Variants in SLC66A1 observed in about 807,000 individuals in gnomAD.
SLC66A1 encodes the protein solute carrier family 66 member 1.
SLC66A1 carries 23 observed loss-of-function variants against 33.0 expected under a neutral mutation model. The observed-to-expected ratio is 0.70, with a 90% confidence interval of 0.50 to 0.99. The LOEUF is 0.99. Among genes scored for constraint, SLC66A1 ranks in the 50% least tolerant of loss-of-function variants. The pLI is 0.00. For synonymous variants in SLC66A1, 164 were observed against 175.5 expected, an observed-to-expected ratio of 0.93 and a Z score of 0.52; for missense variants, 335 against 383.6, an observed-to-expected ratio of 0.87 and a Z score of 1.06.
rs1041275395 is a variant in SLC66A1, at chr1:19,318,347, C to T, written c.164+506C>T. ...AGCAGTGAACACAACATTGTGTGGC[C>T]GCTGCCATGATCAGGGAGTGAGGAC... On this transcript the variant is annotated intron_variant, in intron 2 of 7. Transcript: ENST00000375153. Among the ~76,000 whole-genome samples, 9 of 152,128 alleles carry T rather than the reference C, an allele frequency of 5.9e-5. No homozygotes were observed. The South Asian group carries it at 8.3e-4, about 14-fold the overall frequency.
chr1:19,326,743 T>C, intron 6 of SLC66A1, 120 bp downstream of exon 6: 1 of 1,079,772 alleles, frequency 9.3e-7, no homozygotes, highest in Non-Finnish European at 1.3e-6. Context: ...TCTGGTCTAC[T>C]CCCGCTGTTG....
Position 19,329,036 on chromosome 1 carries a change from C to G in SLC66A1, c.*393C>G. The G allele has an allele frequency of 4.5e-6, 1 of 221,612 alleles. No individual in the cohort carries two copies. The highest frequency in any genetic ancestry group is 9.0e-6 in the Non-Finnish European group (1 of 111,226). 13.7% of individuals were successfully genotyped at this position (221,612 alleles called of 1,614,324 possible). A position where few individuals can be genotyped will look rare whatever the true frequency, so the allele number is the denominator to read the frequency against. On this transcript the variant is annotated 3_prime_UTR_variant, in exon 8 of 8. Transcript: ENST00000375153. ...CTTTGGGAGGCCGAAGCGGGTGGACCACTTGACGTCCGTAGTTCGAGACCA... is the reference window on the plus strand; with the variant it reads ...CTTTGGGAGGCCGAAGCGGGTGGACGACTTGACGTCCGTAGTTCGAGACCA...
intron 2 of SLC66A1, among the ~76,000 whole-genome samples, chr1:19,320,466 A>T (rs1414096213): frequency 5.7e-5 from 7 of 121,908 alleles, no homozygotes; most frequent in East Asian, 5.1e-4. Context: ...CAGGCTGGAG[A>T]GCGGTGGTGC....
chr1:19,317,913 G>A, intron 2 of SLC66A1, 72 bp downstream of exon 2: 1 of 1,557,882 alleles, frequency 6.4e-7, no homozygotes, highest in Non-Finnish European at 8.7e-7. Context: ...CTACTGCTCA[G>A]CGAGGGGTTG....
In SLC66A1 at chr1:19,313,990, A is replaced by G. The variant is rs375290502; in HGVS notation, c.-79+1101A>G. On this transcript the variant is annotated intron_variant, in intron 1 of 7. Coordinates refer to ENST00000375153, the MANE Select transcript of SLC66A1 (RefSeq NM_001040125.2). ...CCCCAGCCCAGGTGCACTGACTCCA[A>G]ATTTTGAACATGCACCCTCCAAGGG... 3.9e-5 allele frequency among the ~76,000 whole-genome samples: 6 copies of G among 152,220 alleles called. No individual in the cohort carries two copies. The East Asian group carries it at 5.8e-4, about 15-fold the overall frequency.
downstream of SLC66A1, among the ~76,000 whole-genome samples, chr1:19,332,383 C>T (rs6426791): frequency 4.6e-5 from 7 of 152,168 alleles, no homozygotes; most frequent in African/African-American, 7.2e-5. Context: ...GCACCTGGCA[C>T]ACAGTAAGTG....
chr1:19,318,347 C>G (rs1041275395), intron 2 of SLC66A1, among the ~76,000 whole-genome samples: 2 of 152,128 alleles, frequency 1.3e-5, no homozygotes, highest in African/African-American at 2.4e-5. Context: ...ATTGTGTGGC[C>G]GCTGCCATGA....
At chr1:19,320,504 T>C (rs1366349870) in intron 2 of SLC66A1, among the ~76,000 whole-genome samples, 13 of 146,328 alleles carry the variant, frequency 8.9e-5, no homozygotes, top group East Asian at 8.4e-4. Flanking sequence ...AGCTCTGCCT[T>C]CCGGGTTCAC....
At chr1:19,314,896 T>G (rs1030517149) in intron 1 of SLC66A1, among the ~76,000 whole-genome samples, 9 of 67,968 alleles carry the variant, frequency 1.3e-4, no homozygotes, top group Non-Finnish European at 2.7e-4. Flanking sequence ...ACTATATGGT[T>G]TTTTTTTTGT....
chr1:19,319,605 G>GTTTTTTTTTTGTTTCTTTTTTTTTTT (rs56769657), intron 2 of SLC66A1, among the ~76,000 whole-genome samples: 1 of 111,870 alleles, frequency 8.9e-6, no homozygotes, highest in African/African-American at 4.0e-5. Context: ...GCACATTCAT[G>GTTTTTTTTTTGTTTCTTTTTTTTTTT]TTTTTTTTTT....
rs1174789918 is a variant in SLC66A1 at position 19,312,719 on chromosome 1, C to G, written c.-249C>G. The G allele has an allele frequency of 2.0e-5, 3 of 152,768 alleles. No individual in the cohort carries two copies. Among genetic ancestry groups the G allele is most frequent in the African/African-American group, 4.8e-5 (2 of 41,476 alleles). The allele number at this position is 152,768 out of a possible 1,614,324, so 9.5% of individuals were successfully genotyped here. A position where few individuals can be genotyped will look rare whatever the true frequency, so the allele number is the denominator to read the frequency against. ...CCCAGCAGCTGTCCTATCATTATCC[C>G]TCCAAACAGGCGGCCCGCGCCGGGC... On this transcript the variant is annotated 5_prime_UTR_variant, in exon 1 of 8. Coordinates refer to ENST00000375153, the MANE Select transcript of SLC66A1 (RefSeq NM_001040125.2).
intron 5 of SLC66A1, 38 bp downstream of exon 5, chr1:19,326,425 G>A (rs376300033): frequency 3.7e-5 from 60 of 1,606,426 alleles, no homozygotes; most frequent in Non-Finnish European, 4.6e-5. Context: ...GATGGAGGCT[G>A]GCTCATCCCC....
Position 19,326,623 on chromosome 1 carries a change from CG to C in SLC66A1, c.618+1del. On this transcript the variant is annotated splice_donor_variant, in intron 6 of 7. Transcript: ENST00000375153. LOFTEE classifies it high-confidence loss of function. Reference sequence around the variant, plus strand: ...CCCGGCTGCCTCAGATCCGCACCAACGTGAGCCTCCAGCAGGGGCTGGGTGG... The same window carrying C: ...CCCGGCTGCCTCAGATCCGCACCAACTGAGCCTCCAGCAGGGGCTGGGTGG... 6.2e-7 allele frequency: 1 copy of C among 1,613,978 alleles called. No homozygotes were observed. Among genetic ancestry groups the C allele is most frequent in the Non-Finnish European group, 8.5e-7 (1 of 1,179,854 alleles).
At chr1:19,330,453 G>C (rs1045032552), downstream of SLC66A1, among the ~76,000 whole-genome samples, 4 of 152,174 alleles carry the variant, frequency 2.6e-5, no homozygotes, top group Admixed American at 6.6e-5. Context: ...CCGGGGCTGT[G>C]GTGAACCAGC....
Position 19,325,509 on chromosome 1 carries a change from G to C in SLC66A1, c.309G>C (p.Val103=). Reference sequence around the variant, plus strand: ...ATCTCTTACAGACCTACACGGCTGTGTATTATGTCTTGGCAGACCTGGTGA... The same window carrying C: ...ATCTCTTACAGACCTACACGGCTGTCTATTATGTCTTGGCAGACCTGGTGA... ...DQLPLQTYTA[V]YYVLADLVML... Residue 103 remains valine, a synonymous_variant, in exon 4 of 8, where the codon GTG becomes GTC. Transcript: ENST00000375153. 1 of 1,608,640 alleles carries C rather than the reference G, an allele frequency of 6.2e-7. No individual in the cohort carries two copies. Among genetic ancestry groups the C allele is most frequent in the Non-Finnish European group, 8.5e-7 (1 of 1,175,200 alleles).
intron 1 of SLC66A1, among the ~76,000 whole-genome samples, chr1:19,315,922 A>T (rs1204232253): frequency 6.6e-6 from 1 of 152,138 alleles, no homozygotes; most frequent in Non-Finnish European, 1.5e-5. Context: ...CTCCTTGTGG[A>T]TATCAGTGGT....
Position 19,328,856 on chromosome 1 carries a change from G to C in SLC66A1, c.*213G>C, listed in dbSNP as rs368988699. 6.7e-6 allele frequency: 4 copies of C among 600,236 alleles called. No homozygotes were observed. The highest frequency in any genetic ancestry group is 1.2e-5 in the Non-Finnish European group (4 of 339,090). The allele number at this position is 600,236 out of a possible 1,614,324, so 37.2% of individuals were successfully genotyped here. A position where few individuals can be genotyped will look rare whatever the true frequency, so the allele number is the denominator to read the frequency against. ...GAGCGGAGACCCCAGGGCCTCTCAG[G>C]AGACAGTGAGGCTGCCCCTCCTACC... On this transcript the variant is annotated 3_prime_UTR_variant, in exon 8 of 8. Coordinates refer to ENST00000375153, the MANE Select transcript of SLC66A1 (RefSeq NM_001040125.2). The surrounding 1 kb of genome is among the most constrained non-coding windows in gnomAD (Gnocchi z 4.7).
At chr1:19,329,478 T>C (rs1222608304), downstream of SLC66A1, among the ~76,000 whole-genome samples, 1 of 152,114 alleles carries the variant, frequency 6.6e-6, no homozygotes, top group African/African-American at 2.4e-5. Flanking sequence ...CCGGGCCCTT[T>C]CCTGACAGGC....
In SLC66A1 at chr1:19,329,002, A is replaced by C; in HGVS notation, c.*359A>C. 3.4e-6 allele frequency: 1 copy of C among 290,558 alleles called. No homozygotes were observed. Among genetic ancestry groups the C allele is most frequent in the South Asian group, 5.1e-5 (1 of 19,584 alleles). The allele number at this position is 290,558 out of a possible 1,614,324, so 18.0% of individuals were successfully genotyped here. ...CCGGGTACAGTGGCTCGCACCTGTA[A>C]TCCTAGCACTTTGGGAGGCCGAAGC... On this transcript the variant is annotated 3_prime_UTR_variant, in exon 8 of 8. Coordinates refer to ENST00000375153, the MANE Select transcript of SLC66A1 (RefSeq NM_001040125.2).
Sources: gnomAD v4.1 joint callset for allele counts (sites outside exome capture counted in the v4.1 genomes callset) on GRCh38, gnomAD v4.1.1 for gene constraint, Gnocchi (gnomAD v3.1) non-coding constraint, MANE v1.5 for transcripts, NCBI Gene and HGNC (gene_info 2026-07-23, HGNC 2026-07-21) for gene names.